Variants in ICAM1 observed in about 807,000 individuals in gnomAD.
ICAM1 encodes the protein intercellular adhesion molecule 1.
Under a neutral mutation model 42.3 loss-of-function variants are expected in ICAM1, and 28 were observed. The ratio of observed to expected loss-of-function variants is 0.66; its 90% CI spans 0.49 to 0.91. ICAM1 has a LOEUF of 0.91. Among genes scored for constraint, ICAM1 ranks in the 40% least tolerant of loss-of-function variants. ICAM1 has a pLI of 0.00. For missense variants in ICAM1, 637 were observed against 688.6 expected (o/e 0.93, Z 0.84); for synonymous variants, 304 against 305.9 (o/e 0.99, Z 0.07).
At position 10,284,664 on chromosome 19, in the gene ICAM1, G is replaced by A; in HGVS notation, c.1180+7G>A. The A allele has an allele frequency of 1.2e-6, 2 of 1,613,662 alleles. No homozygotes were observed. Among genetic ancestry groups the A allele is most frequent in the South Asian group, 1.1e-5 (1 of 91,080 alleles). On this transcript the variant is annotated splice_region_variant and intron_variant, in intron 5 of 6. Transcript: ENST00000264832. The surrounding 1 kb of genome is among the most constrained non-coding windows in gnomAD (Gnocchi z 5.4). Reference sequence around the variant, plus strand: ...CGGGAGCTTCGTGTCCTGTGTGAGTGGGGCTGCTGGTCAATGGCCCCTATC... The same window carrying A: ...CGGGAGCTTCGTGTCCTGTGTGAGTAGGGCTGCTGGTCAATGGCCCCTATC...
intron 2 of ICAM1, 98 bp downstream of exon 2, chr19:10,275,126 C>T (rs369765762): frequency 8.4e-6 from 11 of 1,304,076 alleles, no homozygotes; most frequent in South Asian, 2.7e-5. Context: ...GCCACTTGCT[C>T]GTAGGGTCAA....
At chr19:10,285,067 G>C in intron 6 of ICAM1, 39 bp downstream of exon 6, 1 of 1,613,606 alleles carries the variant, frequency 6.2e-7, no homozygotes, top group Non-Finnish European at 8.5e-7. Context: ...GGGGGCAGGG[G>C]CCATGGACCT....
Position 10,283,743 on chromosome 19 carries a change from G to T in ICAM1, c.594G>T (p.Glu198Asp). Residue 198 changes from glutamate to aspartate, a missense_variant, in exon 3 of 7, where the codon GAG becomes GAT. By Grantham distance (45) the Glu-to-Asp change is conservative (BLOSUM62 2). Coordinates refer to ENST00000264832, the MANE Select transcript of ICAM1 (RefSeq NM_000201.3). ...TGGACCTGCGGCCCCAAGGGCTGGA[G>T]CTGTTTGAGAACACCTCGGCCCCCT... Reference protein sequence around the residue: ...TELDLRPQGLELFENTSAPYQ... With the variant: ...TELDLRPQGLDLFENTSAPYQ... The T allele has an allele frequency of 6.2e-7, 1 of 1,613,054 alleles. No individual in the cohort carries two copies. Among genetic ancestry groups the T allele is most frequent in the Non-Finnish European group, 8.5e-7 (1 of 1,179,594 alleles).
At chr19:10,275,963 CT>C (rs1442854101) in intron 2 of ICAM1, among the ~76,000 whole-genome samples, 1 of 151,106 alleles carries the variant, frequency 6.6e-6, no homozygotes, top group East Asian at 2.0e-4. Flanking sequence ...CCGCCTCGGC[CT>C]CCCAAAGTGC....
chr19:10,285,064 G>A lies in ICAM1; in HGVS notation c.1426+36G>A, dbSNP rs372344219. On this transcript the variant is annotated intron_variant, in intron 6 of 6. Coordinates refer to ENST00000264832, the MANE Select transcript of ICAM1 (RefSeq NM_000201.3). Reference sequence around the variant, plus strand: ...CGGCGGGCAGAGCTGGGTGGGGGCAGGGGCCATGGACCTAATGCAATCCTC... The same window carrying A: ...CGGCGGGCAGAGCTGGGTGGGGGCAAGGGCCATGGACCTAATGCAATCCTC... 6 of 1,613,564 alleles carry A rather than the reference G, an allele frequency of 3.7e-6. No individual in the cohort carries two copies. The African/African-American group carries it at 6.7e-5, about 18-fold the overall frequency.
rs2040098258 is a variant in ICAM1, at chr19:10,285,596, G to T, written c.*309G>T. 2 of 322,946 alleles carry T rather than the reference G, an allele frequency of 6.2e-6. No homozygotes were observed. Among genetic ancestry groups the T allele is most frequent in the South Asian group, 9.6e-5 (2 of 20,900 alleles). The allele number at this position is 322,946 out of a possible 1,614,324, so 20.0% of individuals were successfully genotyped here. On this transcript the variant is annotated 3_prime_UTR_variant, in exon 7 of 7. Transcript: ENST00000264832. Reference sequence around the variant, plus strand: ...GAGGGGAAGTGGTGGGGGAGACATAGCCCCACCATGAGGACATACAACTGG... The same window carrying T: ...GAGGGGAAGTGGTGGGGGAGACATATCCCCACCATGAGGACATACAACTGG...
rs775378792 is a variant in ICAM1 at position 10,284,917 on chromosome 19, C to T, written c.1315C>T (p.Leu439=). 1.2e-6 allele frequency: 2 copies of T among 1,604,660 alleles called. No homozygotes were observed. ...LKCLKDGTFP[L]PIGESVTVTR... is the part of the protein sequence containing the mutation. ...GTGTCTAAAGGATGGCACTTTCCCACTGCCCATCGGGGAATCAGTGACTGT... is the reference window on the plus strand; with the variant it reads ...GTGTCTAAAGGATGGCACTTTCCCATTGCCCATCGGGGAATCAGTGACTGT... Residue 439 remains leucine (L), a synonymous_variant, in exon 6 of 7, where the codon CTG becomes TTG. Transcript: ENST00000264832. This position sits in a 1 kb window ranked among gnomAD's most constrained non-coding sequence, Gnocchi z 5.4.
chr19:10,280,466 C>G (rs2145495366), intron 2 of ICAM1, among the ~76,000 whole-genome samples: 1 of 152,072 alleles, frequency 6.6e-6, no homozygotes, highest in South Asian at 2.1e-4. Context: ...CTCAAACTCC[C>G]AGGCTCAAGA....
intron 2 of ICAM1, among the ~76,000 whole-genome samples, chr19:10,278,623 C>T (rs150887001): frequency 7.3e-6 from 1 of 136,170 alleles, no homozygotes; most frequent in East Asian, 2.2e-4. Context: ...ATCACTGCAA[C>T]CTCCATCTCC....
chr19:10,275,706 T>C (rs1344685266), intron 2 of ICAM1, among the ~76,000 whole-genome samples: 2 of 46,740 alleles, frequency 4.3e-5, no homozygotes, highest in East Asian at 2.7e-4. Flanking sequence ...TGTTTCTTTC[T>C]TTTTTTTTTT....
intron 1 of ICAM1, among the ~76,000 whole-genome samples, chr19:10,273,978 C>A (rs1483209461): frequency 6.6e-6 from 1 of 151,442 alleles, no homozygotes; most frequent in Non-Finnish European, 1.5e-5. Context: ...TGCGCCACTG[C>A]ACTCCAGTCT....
rs780324240 is a variant in ICAM1, at chr19:10,283,462, CA to C, written c.332-18del. 2.0e-6 allele frequency: 3 copies of C among 1,530,574 alleles called. No homozygotes were observed. In the African/African-American group the frequency reaches 4.1e-5, roughly 21 times the overall value. The allele number at this position is 1,530,574 out of a possible 1,614,324, so 94.8% of individuals were successfully genotyped here. A position where few individuals can be genotyped will look rare whatever the true frequency, so the allele number is the denominator to read the frequency against. On this transcript the variant is annotated intron_variant, in intron 2 of 6. Transcript: ENST00000264832. ...CAAGGTCCACTTCACCAGACACCCC[CA>C]CCTCTGTTTTCCTGCAGGGACTCCA... is the stretch of plus-strand genomic sequence containing the variant.
chr19:10,274,363 G>A (rs1305147466), intron 1 of ICAM1, among the ~76,000 whole-genome samples: 1 of 142,922 alleles, frequency 7.0e-6, no homozygotes, highest in African/African-American at 2.7e-5. Context: ...TGCTCAGGCT[G>A]GAGTGCAGTG....
In ICAM1 at chr19:10,283,689, T is replaced by C. The variant is rs1329358568; in HGVS notation, c.540T>C (p.His180=). The C allele has an allele frequency of 1.2e-6, 2 of 1,613,982 alleles. No homozygotes were observed. Among genetic ancestry groups the C allele is most frequent in the Non-Finnish European group, 1.7e-6 (2 of 1,179,942 alleles). Residue 180 remains histidine (H), a synonymous_variant, in exon 3 of 7, where the codon CAT becomes CAC. Coordinates refer to ENST00000264832, the MANE Select transcript of ICAM1 (RefSeq NM_000201.3). ...TTTVLVRRDH[H]GANFSCRTEL... ...CGGTGCTGGTGAGGAGAGATCACCA[T>C]GGAGCCAATTTCTCGTGCCGCACTG... is the stretch of plus-strand genomic sequence containing the variant.
chr19:10,273,571 G>A (rs1446376005), intron 1 of ICAM1, among the ~76,000 whole-genome samples: 1 of 152,040 alleles, frequency 6.6e-6, no homozygotes, highest in Non-Finnish European at 1.5e-5. Flanking sequence ...AGGCTGAGAT[G>A]GGAGGATCAC....
Position 10,275,046 on chromosome 19 carries a change from G to A in ICAM1, c.331+18G>A. 6.2e-7 allele frequency: 1 copy of A among 1,611,414 alleles called. No individual in the cohort carries two copies. On this transcript the variant is annotated intron_variant, in intron 2 of 6. Coordinates refer to ENST00000264832, the MANE Select transcript of ICAM1 (RefSeq NM_000201.3). ...CGTGTACTGTGAGTAACTGAGCCCG[G>A]AGGGCTGGACTAGGCAGACCCGGTG...
rs2040077620 is a variant in ICAM1 at position 10,283,607 on chromosome 19, G to A, written c.458G>A (p.Gly153Glu). The part of the protein sequence containing the change: ...RANLTVVLLR[G>E]EKELKREPAV... ...AACCTCACCGTGGTGCTGCTCCGTG[G>A]GGAGAAGGAGCTGAAACGGGAGCCA... The change falls in exon 3 of 7, where the codon GGG becomes GAG. Residue 153 changes from glycine to glutamate, a missense_variant. Gly to Glu is a moderately conservative substitution (Grantham distance 98). Coordinates refer to ENST00000264832, the MANE Select transcript of ICAM1 (RefSeq NM_000201.3). 6.2e-7 allele frequency: 1 copy of A among 1,613,998 alleles called. No homozygotes were observed. The highest frequency in any genetic ancestry group is 8.5e-7 in the Non-Finnish European group (1 of 1,179,998).
intron 2 of ICAM1, 25 bp from the exon 3 acceptor site, chr19:10,283,456 C>T (rs1304869486): frequency 1.3e-6 from 2 of 1,522,476 alleles, no homozygotes; most frequent in Non-Finnish European, 1.8e-6. Context: ...CTTCACCAGA[C>T]ACCCCCACCT....
chr19:10,278,548 C>CTTGTTTT (rs2040032361), intron 2 of ICAM1, among the ~76,000 whole-genome samples: 1 of 41,744 alleles, frequency 2.4e-5, no homozygotes, highest in South Asian at 1.1e-3. Flanking sequence ...CCTGATAGGT[C>CTTGTTTT]TTTTTTTTTT....
Sources: gnomAD v4.1 joint callset for allele counts (sites outside exome capture counted in the v4.1 genomes callset) on GRCh38, gnomAD v4.1.1 for gene constraint, Gnocchi (gnomAD v3.1) non-coding constraint, MANE v1.5 for transcripts, NCBI Gene and HGNC (gene_info 2026-07-23, HGNC 2026-07-21) for gene names.